Variants in CD99 observed in about 807,000 individuals in gnomAD.
CD99 encodes the protein CD99 antigen.
A neutral mutation model predicts 28.4 loss-of-function variants in CD99; 19 were observed. That is an observed-to-expected ratio of 0.67 (90% confidence interval 0.47 to 0.98). The LOEUF (loss-of-function observed/expected upper bound fraction) is 0.98, where lower values mean the gene tolerates loss of function less well. CD99 is among the 50% of genes least tolerant of loss of function. The pLI, the probability that CD99 is intolerant of heterozygous loss-of-function variation, is 0.00. For missense variants in CD99, 283 were observed against 248.8 expected, an observed-to-expected ratio of 1.14 and a Z score of -0.92; for synonymous variants, 103 against 92.1, an observed-to-expected ratio of 1.12 and a Z score of -0.67.
In CD99 at chrX:2,726,155, G is replaced by A. The variant is rs1335494527; in HGVS notation, c.362-105G>A. 7.3e-6 allele frequency: 5 copies of A among 687,370 alleles called. No individual in the cohort carries two copies. In the Admixed American group the frequency reaches 7.7e-5, roughly 11 times the overall value. 42.6% of individuals were successfully genotyped at this position (687,370 alleles called of 1,614,324 possible). ...GCTCAGGCGTCTGAGATGTTCTGAG[G>A]ATCTTGGTGCTCTCAGACTGACTGT... is the stretch of plus-strand genomic sequence containing the variant. On this transcript the variant is annotated intron_variant, in intron 7 of 9. Coordinates refer to ENST00000381192, the MANE Select transcript of CD99 (RefSeq NM_002414.5).
intron 1 of CD99, among the ~76,000 whole-genome samples, chrX:2,700,870 T>TATCCATCC (rs1314872046): frequency 6.6e-6 from 1 of 150,808 alleles, no homozygotes; most frequent in East Asian, 2.0e-4. Flanking sequence ...TCCATTCATC[T>TATCCATCC]ATCCATCCAT....
chrX:2,705,239 C>A (rs959621328), intron 1 of CD99, among the ~76,000 whole-genome samples: 1 of 152,170 alleles, frequency 6.6e-6, no homozygotes, highest in Non-Finnish European at 1.5e-5. Flanking sequence ...GAGTTCCTTG[C>A]ACTTGTCTGT....
intron 1 of CD99, chrX:2,691,840 C>G (rs372258104): frequency 4.0e-5 from 31 of 777,844 alleles, no homozygotes; most frequent in South Asian, 1.3e-5. Flanking sequence ...CTGGAGTTGC[C>G]TGTCACAGCC....
At chrX:2,712,869 A>G (rs1324805198) in intron 1 of CD99, among the ~76,000 whole-genome samples, 1 of 152,078 alleles carries the variant, frequency 6.6e-6, no homozygotes, top group Non-Finnish European at 1.5e-5. Context: ...ACCTACCCAT[A>G]CACACACGTG....
At chrX:2,695,038 C>T (rs899742109) in intron 1 of CD99, among the ~76,000 whole-genome samples, 9 of 152,102 alleles carry the variant, frequency 5.9e-5, no homozygotes, top group Admixed American at 2.0e-4. Flanking sequence ...TATCTTCCCC[C>T]GGGGAAATAG....
At chrX:2,701,051 T>TCATCTATCCACTCAAC (rs2047835524) in intron 1 of CD99, among the ~76,000 whole-genome samples, 2 of 148,428 alleles carry the variant, frequency 1.3e-5, no homozygotes, top group South Asian at 4.3e-4. Flanking sequence ...CCACCTAAAC[T>TCATCTATCCACTCAAC]CATCTATCCA....
chrX:2,706,880 G>A (rs2048144619), intron 1 of CD99, among the ~76,000 whole-genome samples: 1 of 151,824 alleles, frequency 6.6e-6, no homozygotes, highest in Admixed American at 6.6e-5. Context: ...GAGTGCAGTG[G>A]TGCGATCTCG....
At chrX:2,717,954 T>TC in intron 3 of CD99, 1 of 356,780 alleles carries the variant, frequency 2.8e-6, no homozygotes, top group Non-Finnish European at 5.1e-6. Context: ...TTTTTTTTTT[T>TC]TTTTGAGATG....
At chrX:2,716,815 C>G (rs2048745604) in intron 2 of CD99, among the ~76,000 whole-genome samples, 1 of 152,200 alleles carries the variant, frequency 6.6e-6, no homozygotes. Context: ...AGTCTTACAG[C>G]CTCCACCTGA....
rs779790079 is a variant in CD99, at chrX:2,691,484, G to A, written c.67+57G>A. 8.5e-6 allele frequency: 13 copies of A among 1,529,670 alleles called. No homozygotes were observed. The Admixed American group carries it at 2.1e-4, about 25-fold the overall frequency. 94.8% of individuals were successfully genotyped at this position (1,529,670 alleles called of 1,614,324 possible). ...CGCGGAGGGCGCGGGCCGGGACTGG[G>A]GATCCGCTTGAGATGCGGCGTTGGG... On this transcript the variant is annotated intron_variant, in intron 1 of 9. Transcript: ENST00000381192.
intron 8 of CD99, among the ~76,000 whole-genome samples, chrX:2,727,084 C>T (rs1381465504): frequency 1.3e-5 from 2 of 152,216 alleles, no homozygotes; most frequent in Non-Finnish European, 2.9e-5. Flanking sequence ...TTGCAGTGAG[C>T]TGAGATCATG....
At chrX:2,709,439 T>C (rs2048281840) in intron 1 of CD99, among the ~76,000 whole-genome samples, 1 of 152,156 alleles carries the variant, frequency 6.6e-6, no homozygotes, top group South Asian at 2.1e-4. Flanking sequence ...AATGCACATA[T>C]ATATTCATGC....
At position 2,714,443 on chromosome X, in the gene CD99, A is replaced by C; in HGVS notation, c.89A>C (p.Asp30Ala). 6.2e-7 allele frequency: 1 copy of C among 1,601,502 alleles called. No individual in the cohort carries two copies. The highest frequency in any genetic ancestry group is 8.6e-7 in the Non-Finnish European group (1 of 1,169,470). ...TTAGATGGTGGTTTCGATTTATCCGATGCCCTTCCTGGTGAGTATCAACAT... is the reference window on the plus strand; with the variant it reads ...TTAGATGGTGGTTTCGATTTATCCGCTGCCCTTCCTGGTGAGTATCAACAT... ...AAPDGGFDLS[D>A]ALPDNENKKP... Residue 30 changes from aspartate (D) to alanine (A), a missense_variant, in exon 2 of 10, where the codon GAT (aspartate) becomes GCT (alanine). By Grantham distance (126) the Asp-to-Ala change is moderately radical. Transcript: ENST00000381192.
intron 5 of CD99, among the ~76,000 whole-genome samples, chrX:2,722,222 G>A (rs995740865): frequency 6.6e-6 from 1 of 151,602 alleles, no homozygotes; most frequent in Non-Finnish European, 1.5e-5. Flanking sequence ...ATTCTGATAT[G>A]ACATTATTGA....
chrX:2,717,763 G>A (rs1222652246), intron 3 of CD99, 111 bp downstream of exon 3: 18 of 917,578 alleles, frequency 2.0e-5, no homozygotes, highest in African/African-American at 3.3e-5. Flanking sequence ...TGAGTGCTCC[G>A]GCTGGAGTCT....
At chrX:2,691,503 C>T in intron 1 of CD99, 76 bp downstream of exon 1, 2 of 1,456,858 alleles carry the variant, frequency 1.4e-6, no homozygotes, top group South Asian at 2.4e-5. Flanking sequence ...TGAGATGCGG[C>T]GTTGGGGGCG....
At chrX:2,738,821 A>AAT (rs2050070396) in intron 9 of CD99, among the ~76,000 whole-genome samples, 1 of 151,654 alleles carries the variant, frequency 6.6e-6, no homozygotes, top group Non-Finnish European at 1.5e-5. Flanking sequence ...CATCTCCTGA[A>AAT]ATATAACTCG....
Position 2,691,352 on chromosome X carries a change from G to C in CD99, c.-9G>C, listed in dbSNP as rs1300709372. 6.4e-7 allele frequency: 1 copy of C among 1,563,260 alleles called. No individual in the cohort carries two copies. The highest frequency in any genetic ancestry group is 8.6e-7 in the Non-Finnish European group (1 of 1,164,984). ...CTCCGGGACCGTCCCTGCGCGCTCT[G>C]GGCGCACCATGGCCCGCGGGGCTGC... On this transcript the variant is annotated 5_prime_UTR_variant, in exon 1 of 10. Coordinates refer to ENST00000381192, the MANE Select transcript of CD99 (RefSeq NM_002414.5).
chrX:2,715,283 G>A (rs1319966397), intron 2 of CD99: 3 of 152,224 alleles, frequency 2.0e-5, no homozygotes, highest in Admixed American at 6.6e-5. Context: ...CCACCAACTG[G>A]GGGCTTAAAC....
Sources: gnomAD v4.1 joint callset for allele counts (sites outside exome capture counted in the v4.1 genomes callset) on GRCh38, gnomAD v4.1.1 for gene constraint, MANE v1.5 for transcripts, NCBI Gene and HGNC (gene_info 2026-07-23, HGNC 2026-07-21) for gene names.